Variants in TNPO3 observed in about 807,000 individuals in gnomAD.
The protein encoded by TNPO3 is transportin-3.
A neutral mutation model predicts 122.8 loss-of-function variants in TNPO3; 65 were observed. The ratio of observed to expected loss-of-function variants is 0.53; its 90% CI spans 0.43 to 0.65. The LOEUF is 0.65. Among genes scored for constraint, TNPO3 ranks in the 30% least tolerant of loss-of-function variants. The probability of loss-of-function intolerance (pLI) is 0.00; values close to 1 mark genes in which losing one functional copy is unlikely to be tolerated. For missense variants in TNPO3, 850 were observed against 1,136.7 expected (o/e 0.75, Z 3.63); for synonymous variants, 372 against 411.2 (o/e 0.90, Z 1.15).
intron 21 of TNPO3, among the ~76,000 whole-genome samples, chr7:128,966,222 T>C (rs1349324505): frequency 6.6e-6 from 1 of 152,246 alleles, no homozygotes; most frequent in Admixed American, 6.5e-5. Context: ...CTTGTTCATC[T>C]TTGGGACTAT....
At chr7:128,959,343 C>T (rs10229001) in intron 21 of TNPO3, among the ~76,000 whole-genome samples, 90,123 of 152,022 alleles carry the variant, frequency 0.59, 26,918 homozygotes, top group South Asian at 0.62. Context: ...TTTACCCTTC[C>T]TCAAGAGACT....
rs772005082 is a variant in TNPO3, at chr7:128,990,034, C to T, written c.1425G>A (p.Thr475=). Residue 475 remains threonine, a synonymous_variant, in exon 11 of 23, where the codon ACG becomes ACA. Transcript: ENST00000265388. ...ATTCAATGCTGGTGTATCGCACAGC[C>T]GTATGTACGGTCTCCGGGAGGCGGA... is the stretch of plus-strand genomic sequence containing the variant. ...GVVRLPETVH[T]AVRYTSIELV... The T allele has an allele frequency of 8.7e-6, 14 of 1,614,070 alleles. No homozygotes were observed. Among genetic ancestry groups the T allele is most frequent in the South Asian group, 3.3e-5 (3 of 91,088 alleles).
chr7:128,995,417 A>C (rs1211239073), intron 8 of TNPO3, among the ~76,000 whole-genome samples: 2 of 152,212 alleles, frequency 1.3e-5, no homozygotes, highest in African/African-American at 4.8e-5. Context: ...GAGAATTGCT[A>C]ATCTAGTTCA....
intron 19 of TNPO3, 47 bp downstream of exon 19, chr7:128,972,379 A>C (rs749320432): frequency 6.4e-7 from 1 of 1,569,948 alleles, no homozygotes; most frequent in South Asian, 1.2e-5. Flanking sequence ...ACAAAGAGAT[A>C]GGAGATAAAA....
chr7:129,055,423 G>GC, upstream of TNPO3: 1 of 155,320 alleles, frequency 6.4e-6, no homozygotes, highest in Non-Finnish European at 1.4e-5. Flanking sequence ...TGATCAAGGC[G>GC]CGTCAATTCA....
At chr7:129,024,385 A>G (rs780678032) in intron 1 of TNPO3, among the ~76,000 whole-genome samples, 6 of 152,190 alleles carry the variant, frequency 3.9e-5, no homozygotes, top group African/African-American at 7.2e-5. Flanking sequence ...AAGGAGCACA[A>G]TCAGCATCCT....
At chr7:128,991,288 A>G (rs185040442) in intron 10 of TNPO3, among the ~76,000 whole-genome samples, 5 of 152,348 alleles carry the variant, frequency 3.3e-5, no homozygotes, top group African/African-American at 4.8e-5. Flanking sequence ...CAGCTAAGAA[A>G]GAAGCATTGT....
At chr7:128,977,929 T>G (rs1046018720) in intron 16 of TNPO3, among the ~76,000 whole-genome samples, 7 of 152,094 alleles carry the variant, frequency 4.6e-5, no homozygotes, top group Non-Finnish European at 1.0e-4. Flanking sequence ...AGGACCTCCT[T>G]AAAATCTGCA....
At chr7:129,017,858 G>C (rs1484549996) in intron 2 of TNPO3, 99 bp downstream of exon 2, 2 of 1,206,036 alleles carry the variant, frequency 1.7e-6, no homozygotes, top group Non-Finnish European at 2.4e-6. Flanking sequence ...CTGTAATGAA[G>C]TTAACATTAC....
intron 7 of TNPO3, among the ~76,000 whole-genome samples, chr7:128,999,613 CTTTT>C (rs146907593): frequency 7.2e-6 from 1 of 139,256 alleles, no homozygotes; most frequent in African/African-American, 2.7e-5. Flanking sequence ...TTCTTTCTCA[CTTTT>C]TTTTTTTTTT....
intron 11 of TNPO3, 147 bp from the exon 12 acceptor site, chr7:128,987,067 A>G (rs1800238822): frequency 7.8e-6 from 6 of 771,130 alleles, no homozygotes; most frequent in Non-Finnish European, 1.2e-5. Flanking sequence ...ACAATAAATA[A>G]AACACATAAA....
At chr7:128,974,434 A>G (rs1798847521) in intron 18 of TNPO3, among the ~76,000 whole-genome samples, 1 of 151,844 alleles carries the variant, frequency 6.6e-6, no homozygotes, top group African/African-American at 2.4e-5. Flanking sequence ...TGAGAAATAC[A>G]GTATGAGATA....
intron 1 of TNPO3, among the ~76,000 whole-genome samples, chr7:129,050,464 AATAAAAGGGTCAAAATCTGT>A (rs745619432): frequency 4.6e-5 from 7 of 151,958 alleles, no homozygotes; most frequent in Non-Finnish European, 5.9e-5. Context: ...AGTTTAAATA[AATAAAAGGGTCAAAATCTGT>A]GTAAGAAGCA....
Position 128,962,812 on chromosome 7 carries a change from GGTT to G in TNPO3, c.2711+4465_2711+4467del, listed in dbSNP as rs1346934543. Among the ~76,000 whole-genome samples, 8 of 105,132 alleles carry G rather than the reference GGTT, an allele frequency of 7.6e-5. No individual in the cohort carries two copies. The East Asian group carries it at 1.8e-3, about 23-fold the overall frequency. 69.0% of individuals were successfully genotyped at this position (105,132 alleles called of 152,430 possible). A position where few individuals can be genotyped will look rare whatever the true frequency, so the allele number is the denominator to read the frequency against. On this transcript the variant is annotated intron_variant, in intron 21 of 22. Coordinates refer to ENST00000265388, the MANE Select transcript of TNPO3 (RefSeq NM_012470.4). Reference sequence around the variant, plus strand: ...CCCATATCACAGGACAAAGATAACAGGTTTTTTTTTTCCCCCACAGCACTGCTT... The same window carrying G: ...CCCATATCACAGGACAAAGATAACAGTTTTTTTTCCCCCACAGCACTGCTT...
chr7:128,988,124 G>A (rs1233321005), intron 11 of TNPO3, among the ~76,000 whole-genome samples: 3 of 152,036 alleles, frequency 2.0e-5, no homozygotes, highest in East Asian at 1.9e-4. Context: ...ACAGGCATGC[G>A]CCACCAAGCC....
intron 1 of TNPO3, among the ~76,000 whole-genome samples, chr7:129,030,855 C>T (rs1805852367): frequency 6.6e-6 from 1 of 152,180 alleles, no homozygotes; most frequent in Non-Finnish European, 1.5e-5. Flanking sequence ...TGCCCCTTGG[C>T]TGCTAAGCAA....
At chr7:128,994,038 A>C in intron 8 of TNPO3, 124 bp from the exon 9 acceptor site, 2 of 767,754 alleles carry the variant, frequency 2.6e-6, no homozygotes, top group Non-Finnish European at 4.2e-6. Context: ...AGTTGCCTAA[A>C]TCACGAGGGT....
At chr7:128,959,393 C>A (rs1027202739) in intron 21 of TNPO3, among the ~76,000 whole-genome samples, 3 of 152,180 alleles carry the variant, frequency 2.0e-5, no homozygotes, top group African/African-American at 7.2e-5. Context: ...GAAACAGGGT[C>A]TCATTGTGTT....
chr7:129,042,482 G>GA (rs1029122553), intron 1 of TNPO3, among the ~76,000 whole-genome samples: 3 of 152,006 alleles, frequency 2.0e-5, no homozygotes, highest in African/African-American at 4.8e-5. Flanking sequence ...CCCATATCAA[G>GA]AAAAAATCAT....
Sources: allele counts gnomAD v4.1 joint callset (sites outside exome capture counted in the v4.1 genomes callset), GRCh38; gene constraint gnomAD v4.1.1; transcripts MANE v1.5; gene names NCBI Gene and HGNC (gene_info 2026-07-23, HGNC 2026-07-21).